DGKB: variants seen among roughly 807,000 people sequenced by gnomAD.
DGKB encodes the protein diacylglycerol kinase beta, also known as 90 kDa diacylglycerol kinase.
DGKB carries 67 observed loss-of-function variants against 114.3 expected under a neutral mutation model. The ratio of observed to expected loss-of-function variants is 0.59; its 90% CI spans 0.48 to 0.72. DGKB has a LOEUF of 0.72. Among genes scored for constraint, DGKB ranks in the 30% least tolerant of loss-of-function variants. DGKB has a pLI of 0.00. For missense variants in DGKB, 907 were observed against 975.2 expected, an observed-to-expected ratio of 0.93 and a Z score of 0.93; for synonymous variants, 398 against 323.1, an observed-to-expected ratio of 1.23 and a Z score of -2.49.
At chr7:14,159,924 C>T (rs950445652) in intron 25 of DGKB, among the ~76,000 whole-genome samples, 2 of 152,066 alleles carry the variant, frequency 1.3e-5, no homozygotes, top group Non-Finnish European at 2.9e-5. Context: ...TGCCTGCCCT[C>T]GGCCTCTTAG....
intron 21 of DGKB, among the ~76,000 whole-genome samples, chr7:14,352,520 A>G (rs1813666534): frequency 6.7e-6 from 1 of 149,946 alleles, no homozygotes; most frequent in Admixed American, 6.6e-5. Context: ...AACGTACACA[A>G]AGTAAGTCCC....
At chr7:14,566,439 A>C (rs974894677) in intron 20 of DGKB, among the ~76,000 whole-genome samples, 3 of 152,186 alleles carry the variant, frequency 2.0e-5, no homozygotes, top group Non-Finnish European at 2.9e-5. Context: ...CAATTCAATT[A>C]TATTTATAGA....
At chr7:14,488,841 A>AT (rs1784201473) in intron 20 of DGKB, among the ~76,000 whole-genome samples, 1 of 98,040 alleles carries the variant, frequency 1.0e-5, no homozygotes. Flanking sequence ...CCAAAAAAAA[A>AT]CAAAAAAAAA....
chr7:14,356,643 A>T (rs528238153), intron 21 of DGKB, among the ~76,000 whole-genome samples: 1 of 152,082 alleles, frequency 6.6e-6, no homozygotes, highest in Non-Finnish European at 1.5e-5. Context: ...TACAGGCGTG[A>T]GCCACCACGC....
At chr7:14,808,853 G>T (rs1345868015) in intron 2 of DGKB, among the ~76,000 whole-genome samples, 1 of 152,000 alleles carries the variant, frequency 6.6e-6, no homozygotes, top group Non-Finnish European at 1.5e-5. Flanking sequence ...TCAAGAAGTA[G>T]GTCTATTCCT....
chr7:14,675,205 C>T (rs565704068), intron 12 of DGKB, among the ~76,000 whole-genome samples: 36 of 152,192 alleles, frequency 2.4e-4, no homozygotes, highest in African/African-American at 7.9e-4. Flanking sequence ...TAAAGCTAAA[C>T]ACGTGACTCT....
intron 23 of DGKB, among the ~76,000 whole-genome samples, chr7:14,207,860 A>T: frequency 6.6e-6 from 1 of 151,842 alleles, no homozygotes; most frequent in African/African-American, 2.4e-5. Flanking sequence ...TCTATCTTCA[A>T]AGTGAACTAA....
At chr7:14,242,688 T>C (rs1008382012) in intron 23 of DGKB, among the ~76,000 whole-genome samples, 8 of 148,626 alleles carry the variant, frequency 5.4e-5, no homozygotes, top group Non-Finnish European at 7.5e-5. Context: ...TCTTATAAGA[T>C]AAGTCATAAA....
In DGKB at chr7:14,729,651, C is replaced by T. The variant is rs1586045085; in HGVS notation, c.322+6390G>A. 2.6e-5 allele frequency among the ~76,000 whole-genome samples: 4 copies of T among 152,294 alleles called. No individual in the cohort carries two copies. In the South Asian group the frequency reaches 8.3e-4, roughly 32 times the overall value. On this transcript the variant is annotated intron_variant, in intron 5 of 25. Transcript: ENST00000402815. ...TTTACCTGGATAACTCCAATTTACACTGGATGACTCCTGCAACGGTTCACC... is the reference window on the plus strand; with the variant it reads ...TTTACCTGGATAACTCCAATTTACATTGGATGACTCCTGCAACGGTTCACC...
At chr7:14,756,703 A>G (rs1834922126) in intron 3 of DGKB, among the ~76,000 whole-genome samples, 1 of 151,996 alleles carries the variant, frequency 6.6e-6, no homozygotes, top group African/African-American at 2.4e-5. Context: ...AGGGAAGTAC[A>G]ATATTGAAAG....
chr7:14,257,624 C>T (rs1286135498), intron 23 of DGKB, among the ~76,000 whole-genome samples: 1 of 152,140 alleles, frequency 6.6e-6, no homozygotes, highest in Non-Finnish European at 1.5e-5. Flanking sequence ...CTTTGCTTGG[C>T]AGTTCTCTTT....
chr7:14,587,812 G>A (rs950953299), intron 17 of DGKB, among the ~76,000 whole-genome samples: 1 of 152,178 alleles, frequency 6.6e-6, no homozygotes, highest in East Asian at 1.9e-4. Flanking sequence ...TTAAATTAAG[G>A]TATATACATT....
At chr7:14,593,183 T>C (rs895236173) in intron 17 of DGKB, among the ~76,000 whole-genome samples, 9 of 152,018 alleles carry the variant, frequency 5.9e-5, no homozygotes, top group African/African-American at 2.2e-4. Flanking sequence ...AACAAATCTT[T>C]TATGCTTATG....
At chr7:14,240,226 C>G (rs1258432339) in intron 23 of DGKB, among the ~76,000 whole-genome samples, 1 of 152,064 alleles carries the variant, frequency 6.6e-6, no homozygotes, top group East Asian at 1.9e-4. Context: ...CTACGTCCCA[C>G]TGTTGTAAAA....
At chr7:14,775,311 A>G (rs2128478397) in intron 2 of DGKB, among the ~76,000 whole-genome samples, 1 of 152,052 alleles carries the variant, frequency 6.6e-6, no homozygotes, top group East Asian at 1.9e-4. Context: ...TCTTATTTTG[A>G]GCATTTAAAT....
At chr7:14,356,495 G>A (rs1814552381) in intron 21 of DGKB, among the ~76,000 whole-genome samples, 1 of 151,422 alleles carries the variant, frequency 6.6e-6, no homozygotes, top group Non-Finnish European at 1.5e-5. Context: ...CCGAGTAGCT[G>A]GGACTACAGG....
At chr7:14,331,443 G>A (rs1382343141) in intron 23 of DGKB, among the ~76,000 whole-genome samples, 2 of 151,880 alleles carry the variant, frequency 1.3e-5, no homozygotes, top group Non-Finnish European at 1.5e-5. Flanking sequence ...AATGAATATT[G>A]CATTTATATT....
chr7:14,768,728 T>TA (rs1836835921), intron 2 of DGKB, among the ~76,000 whole-genome samples: 1 of 152,014 alleles, frequency 6.6e-6, no homozygotes, highest in Non-Finnish European at 1.5e-5. Flanking sequence ...TTACATTTTT[T>TA]AAAAAATTTA....
intron 23 of DGKB, among the ~76,000 whole-genome samples, chr7:14,202,252 A>G (rs1786010525): frequency 1.3e-5 from 2 of 151,966 alleles, no homozygotes; most frequent in African/African-American, 4.8e-5. Flanking sequence ...TCTTACTGAT[A>G]CAATTTTACA....
Sources: allele counts gnomAD v4.1 joint callset (sites outside exome capture counted in the v4.1 genomes callset), GRCh38; gene constraint gnomAD v4.1.1; transcripts MANE v1.5; gene names NCBI Gene and HGNC (gene_info 2026-07-23, HGNC 2026-07-21).